The following PIGN variants were observed in gnomAD, a reference collection of about 807,000 sequenced individuals.
PIGN encodes phosphatidylinositol glycan anchor biosynthesis class N.
PIGN carries 117 observed loss-of-function variants against 125.4 expected under a neutral mutation model. The observed-to-expected ratio is 0.93, with a 90% CI of 0.80 to 1.09. The LOEUF is 1.09. Among genes scored for constraint, PIGN ranks in the 50% least tolerant of loss-of-function variants. The pLI, the probability that PIGN is intolerant of heterozygous loss-of-function variation, is 0.00. For synonymous variants in PIGN, 392 were observed against 377.8 expected (o/e 1.04, Z -0.44); for missense variants, 1,075 against 1,094.9 (o/e 0.98, Z 0.26).
At chr18:62,088,493 C>T (rs1181163084) in intron 25 of PIGN, 1 of 199,576 alleles carries the variant, frequency 5.0e-6, no homozygotes, top group African/African-American at 2.3e-5. Flanking sequence ...CTTAAAAACA[C>T]ATTTTTAAAA....
At chr18:62,172,374 G>A (rs1168380397) in intron 1 of PIGN, among the ~76,000 whole-genome samples, 1 of 152,004 alleles carries the variant, frequency 6.6e-6, no homozygotes, top group Non-Finnish European at 1.5e-5. Context: ...ATTCCTTTCA[G>A]TTAGATCTTA....
At chr18:62,085,122 AT>A (rs2033635869) in intron 26 of PIGN, 86 bp downstream of exon 26, 2 of 770,966 alleles carry the variant, frequency 2.6e-6, no homozygotes, top group South Asian at 1.7e-5. Context: ...AGAAAAAAAA[AT>A]AATAAGGTAC....
At chr18:62,129,083 T>C (rs1476730144) in intron 14 of PIGN, among the ~76,000 whole-genome samples, 1 of 152,054 alleles carries the variant, frequency 6.6e-6, no homozygotes, top group Non-Finnish European at 1.5e-5. Flanking sequence ...TACTCCCTTC[T>C]CTCCCTCCCT....
chr18:62,102,100 G>A (rs995486932), intron 21 of PIGN, among the ~76,000 whole-genome samples: 6 of 151,642 alleles, frequency 4.0e-5, no homozygotes, highest in East Asian at 3.9e-4. Flanking sequence ...AGTGGCTCTC[G>A]CCTGTAATCC....
rs1432947327 is a variant in PIGN at position 62,043,247 on chromosome 18, C to A, written c.*2609G>T. ...AATATGGGAGCTCACCAGGTTCTCC[C>A]AAGGACAGGGTGGCCCTGCAACAGC... On this transcript the variant is annotated 3_prime_UTR_variant, in exon 31 of 31. Coordinates refer to ENST00000640252, the MANE Select transcript of PIGN (RefSeq NM_176787.5). 2 of 152,250 alleles carry A rather than the reference C, an allele frequency of 1.3e-5. No individual in the cohort carries two copies. The highest frequency in any genetic ancestry group is 6.5e-5 in the Admixed American group (1 of 15,290). 9.4% of individuals were successfully genotyped at this position (152,250 alleles called of 1,614,324 possible).
chr18:62,071,904 AT>A (rs2032894205), intron 30 of PIGN, among the ~76,000 whole-genome samples: 2 of 103,266 alleles, frequency 1.9e-5, no homozygotes, highest in Admixed American at 9.7e-5. Context: ...ATATATATAT[AT>A]ATATAAATTT....
chr18:62,147,801 T>C (rs561964097), intron 8 of PIGN, among the ~76,000 whole-genome samples: 101 of 152,294 alleles, frequency 6.6e-4, no homozygotes, highest in African/African-American at 2.3e-3. Flanking sequence ...ATGTATACAA[T>C]TTATTTGCTA....
intron 20 of PIGN, among the ~76,000 whole-genome samples, chr18:62,104,230 A>G (rs1382889728): frequency 6.6e-6 from 1 of 152,196 alleles, no homozygotes; most frequent in Non-Finnish European, 1.5e-5. Context: ...GATTTCTCAT[A>G]TTTTAACAAG....
chr18:62,036,651 G>A (rs1051777881), downstream of PIGN, among the ~76,000 whole-genome samples: 2 of 152,154 alleles, frequency 1.3e-5, no homozygotes, highest in African/African-American at 4.8e-5. Flanking sequence ...TCATTCCACT[G>A]GTTCTCAATG....
chr18:62,175,708 A>G (rs1032787894), intron 1 of PIGN, among the ~76,000 whole-genome samples: 1 of 152,228 alleles, frequency 6.6e-6, no homozygotes, highest in African/African-American at 2.4e-5. Context: ...AATGAAGGCA[A>G]TGACTGTGTT....
chr18:62,157,132 T>C lies in PIGN; in HGVS notation c.439A>G (p.Lys147Glu). 1 of 1,572,826 alleles carries C rather than the reference T, an allele frequency of 6.4e-7. No homozygotes were observed. The highest frequency in any genetic ancestry group is 8.7e-7 in the Non-Finnish European group (1 of 1,145,892). Residue 147 changes from lysine to glutamate, a missense_variant, in exon 6 of 31, where the codon AAA (lysine) becomes GAA (glutamate). Lys to Glu is a moderately conservative substitution (Grantham distance 56). Coordinates refer to ENST00000640252, the MANE Select transcript of PIGN (RefSeq NM_176787.5). ...AAACATAATCAGTGACTCTTACCTT[T>C]GGCAAACATAGGCAGGATATCTGGG... ...GSPDILPMFA[K>E]GASGDHVYTY...
chr18:62,064,284 T>G (rs545362519), intron 30 of PIGN, among the ~76,000 whole-genome samples: 1 of 152,308 alleles, frequency 6.6e-6, no homozygotes, highest in Non-Finnish European at 1.5e-5. Flanking sequence ...CTGAAAGCAG[T>G]GGCCATGTGT....
intron 30 of PIGN, among the ~76,000 whole-genome samples, chr18:62,046,785 T>C (rs2030746435): frequency 6.6e-6 from 1 of 152,126 alleles, no homozygotes; most frequent in Non-Finnish European, 1.5e-5. Context: ...ATTAAAAAAA[T>C]ATTTTCAACC....
At chr18:62,173,369 C>A (rs984904292) in intron 1 of PIGN, among the ~76,000 whole-genome samples, 1 of 152,046 alleles carries the variant, frequency 6.6e-6, no homozygotes, top group African/African-American at 2.4e-5. Context: ...TAGCCGGGAC[C>A]ACAAGGTGTG....
At chr18:62,075,069 G>T in intron 28 of PIGN, 1 of 307,412 alleles carries the variant, frequency 3.3e-6, no homozygotes, top group Non-Finnish European at 6.1e-6. Context: ...CATACATTAT[G>T]ATTTTCAAAA....
rs567858023 is a variant in PIGN, at chr18:62,150,544, A to G, written c.550-2206T>C. On this transcript the variant is annotated intron_variant, in intron 7 of 30. Transcript: ENST00000640252. ...TCAACCCAGGCGAACCTTTGAGGCC[A>G]TTATACTAAGTGAAATAAGCCAATC... Among the ~76,000 whole-genome samples, 7 of 152,326 alleles carry G rather than the reference A, an allele frequency of 4.6e-5. No individual in the cohort carries two copies. In the South Asian group the frequency reaches 1.0e-3, roughly 23 times the overall value.
rs79844120 is a variant in PIGN, at chr18:62,153,571, G to T, written c.549+974C>A. The T allele has an allele frequency of 1.4e-3, 214 of 152,154 alleles. 6 individuals carry two copies. The highest frequency in any genetic ancestry group is 0.012 in the Admixed American group (188 of 15,276). The allele number at this position is 152,154 out of a possible 1,614,324, so 9.4% of individuals were successfully genotyped here. On this transcript the variant is annotated intron_variant, in intron 7 of 30. Transcript: ENST00000640252. Reference sequence around the variant, plus strand: ...ATATTAGCACATTAAGTTAAGAAGTGATGATTAGCAAAATAATTTGCTAAT... The same window carrying T: ...ATATTAGCACATTAAGTTAAGAAGTTATGATTAGCAAAATAATTTGCTAAT...
At chr18:62,115,437 G>T (rs1453132179) in intron 14 of PIGN, among the ~76,000 whole-genome samples, 2 of 151,986 alleles carry the variant, frequency 1.3e-5, no homozygotes, top group Admixed American at 6.5e-5. Flanking sequence ...AAAATGAATG[G>T]CTTTACATTT....
At chr18:62,142,854 A>C (rs144812513) in intron 11 of PIGN, among the ~76,000 whole-genome samples, 277 of 152,336 alleles carry the variant, frequency 1.8e-3, no homozygotes, top group African/African-American at 6.4e-3. Context: ...AGTAATTTAT[A>C]ATCTCATCAT....
Sources: allele counts gnomAD v4.1 joint callset (sites outside exome capture counted in the v4.1 genomes callset), GRCh38; gene constraint gnomAD v4.1.1; transcripts MANE v1.5; gene names NCBI Gene and HGNC (gene_info 2026-07-23, HGNC 2026-07-21).